The following LRCH3 variants were observed in gnomAD, a reference collection of about 807,000 sequenced individuals.
LRCH3 encodes the protein DISP complex protein LRCH3.
A neutral mutation model predicts 104.5 loss-of-function variants in LRCH3; 68 were observed. The ratio of observed to expected loss-of-function variants is 0.65; its 90% CI spans 0.54 to 0.80. The LOEUF is 0.80. Among genes scored for constraint, LRCH3 ranks in the 30% least tolerant of loss-of-function variants. The probability of loss-of-function intolerance (pLI) is 0.00; values close to 1 mark genes in which losing one functional copy is unlikely to be tolerated. For missense variants in LRCH3, 951 were observed against 953.9 expected (o/e 1.00, Z 0.04); for synonymous variants, 344 against 361.3 (o/e 0.95, Z 0.54).
At position 197,858,919 on chromosome 3, in the gene LRCH3, T is replaced by G. The variant is rs200450451; in HGVS notation, c.1716+14T>G. The G allele has an allele frequency of 6.2e-7, 1 of 1,608,742 alleles. No homozygotes were observed. The highest frequency in any genetic ancestry group is 1.1e-5 in the South Asian group (1 of 90,982). ...ACGCCTCTTAAGGTATCTCTTGTTA[T>G]TGTAATTCACCAGGAAGTTTGGGGA... On this transcript the variant is annotated intron_variant, in intron 15 of 20. Coordinates refer to ENST00000425562, the MANE Select transcript of LRCH3 (RefSeq NM_001365715.1).
rs568578329 is a variant in LRCH3 at position 197,874,319 on chromosome 3, T to G, written c.2131-1379T>G. On this transcript the variant is annotated intron_variant, in intron 19 of 20. Coordinates refer to ENST00000425562, the MANE Select transcript of LRCH3 (RefSeq NM_001365715.1). Reference sequence around the variant, plus strand: ...CTGTCAGATCAGCAACAGTATTAGATCCTCAGAGGAGCATGAACGCTGGTG... The same window carrying G: ...CTGTCAGATCAGCAACAGTATTAGAGCCTCAGAGGAGCATGAACGCTGGTG... Among the ~76,000 whole-genome samples, 115 of 152,170 alleles carry G rather than the reference T, an allele frequency of 7.6e-4. 1 individual carries two copies. In the Middle Eastern group the frequency reaches 0.017, roughly 23 times the overall value.
chr3:197,824,601 C>G (rs1734908269), intron 4 of LRCH3, among the ~76,000 whole-genome samples: 1 of 145,762 alleles, frequency 6.9e-6, no homozygotes, highest in African/African-American at 2.6e-5. Flanking sequence ...CAGTCTCACT[C>G]TGTCACCCAG....
rs897983914 is a variant in LRCH3 at position 197,847,911 on chromosome 3, C to T, written c.1420C>T (p.Gln474Ter). The T allele has an allele frequency of 1.2e-6, 2 of 1,613,998 alleles. No homozygotes were observed. Among genetic ancestry groups the T allele is most frequent in the Non-Finnish European group, 1.7e-6 (2 of 1,179,964 alleles). Reference sequence around the variant, plus strand: ...CCTGGAACTTCATCAGAGAAGGGAGCAGTTAGTAGAGCGCACTCGGAGAGA... The same window carrying T: ...CCTGGAACTTCATCAGAGAAGGGAGTAGTTAGTAGAGCGCACTCGGAGAGA... ...TDLELHQRRE[Q>*]LVERTRREAQ... Residue 474 changes from glutamine (Q) to a stop codon, truncating the protein, a stop_gained, in exon 12 of 21, where the codon CAG becomes TAG. Coordinates refer to ENST00000425562, the MANE Select transcript of LRCH3 (RefSeq NM_001365715.1). LOFTEE classifies it high-confidence loss of function.
chr3:197,881,311 A>G (rs1713747762), intron 20 of LRCH3: 2 of 988,524 alleles, frequency 2.0e-6, no homozygotes, highest in Non-Finnish European at 2.4e-6. Context: ...TATTGGCCAT[A>G]ATTTTAATAA....
At chr3:197,824,113 G>A (rs1734815583) in intron 4 of LRCH3, among the ~76,000 whole-genome samples, 1 of 151,114 alleles carries the variant, frequency 6.6e-6, no homozygotes, top group South Asian at 2.1e-4. Context: ...CGCCCAGGCT[G>A]GAGTGCAGTG....
intron 20 of LRCH3, among the ~76,000 whole-genome samples, chr3:197,878,617 C>T (rs1467355639): frequency 6.6e-6 from 1 of 152,184 alleles, no homozygotes; most frequent in African/African-American, 2.4e-5. Flanking sequence ...ACGTCCCCAC[C>T]ACAACCACTG....
At chr3:197,880,065 C>G (rs9757204) in intron 20 of LRCH3, among the ~76,000 whole-genome samples, 10,024 of 149,060 alleles carry the variant, frequency 0.067, 1,215 homozygotes, top group African/African-American at 0.24. Context: ...CCTGCCTCAG[C>G]CTCCCGAGTA....
chr3:197,799,324 G>A (rs995965325), intron 1 of LRCH3, among the ~76,000 whole-genome samples: 4 of 152,190 alleles, frequency 2.6e-5, no homozygotes, highest in Non-Finnish European at 4.4e-5. Flanking sequence ...TATGGTCAAT[G>A]TGGTAATTCA....
chr3:197,798,762 C>T (rs926931786), intron 1 of LRCH3, among the ~76,000 whole-genome samples: 3 of 152,170 alleles, frequency 2.0e-5, no homozygotes. Flanking sequence ...GTAACAGTCA[C>T]AGTATATGCA....
At chr3:197,795,022 A>G (rs1020090734) in intron 1 of LRCH3, among the ~76,000 whole-genome samples, 6 of 152,184 alleles carry the variant, frequency 3.9e-5, no homozygotes, top group Non-Finnish European at 7.3e-5. Context: ...AAGAAAAAAA[A>G]ATATTAATCT....
Position 197,866,215 on chromosome 3 carries a change from C to T in LRCH3, c.1869C>T (p.Asn623=). 1 of 1,612,366 alleles carries T rather than the reference C, an allele frequency of 6.2e-7. No individual in the cohort carries two copies. Among genetic ancestry groups the T allele is most frequent in the Non-Finnish European group, 8.5e-7 (1 of 1,178,394 alleles). The change falls in exon 17 of 21, where the codon AAC becomes AAT. Residue 623 remains asparagine, a synonymous_variant. Transcript: ENST00000425562. ...LFRAGVRAET[N]KGHASPLPPS... ...GAGCAGGTGTCAGGGCAGAAACCAA[C>T]AAAGGTAGGTGGTGGTGATTTTAAA...
chr3:197,829,989 A>G (rs192911244), intron 6 of LRCH3, among the ~76,000 whole-genome samples: 1 of 152,324 alleles, frequency 6.6e-6, no homozygotes, highest in East Asian at 1.9e-4. Context: ...ACCCTCGCAA[A>G]GTCTCCAAAT....
chr3:197,835,276 C>G (rs1156928724), intron 8 of LRCH3, among the ~76,000 whole-genome samples: 1 of 151,898 alleles, frequency 6.6e-6, no homozygotes, highest in South Asian at 2.1e-4. Flanking sequence ...TTCTGTCTCC[C>G]GGGTTCAAGC....
intron 19 of LRCH3, among the ~76,000 whole-genome samples, chr3:197,875,302 C>G (rs1360174134): frequency 3.3e-5 from 5 of 152,162 alleles, no homozygotes; most frequent in Non-Finnish European, 7.4e-5. Context: ...CGCTGACCCC[C>G]TAGTCTACAG....
chr3:197,839,465 T>C (rs1737465793), intron 10 of LRCH3, 68 bp downstream of exon 10: 3 of 960,740 alleles, frequency 3.1e-6, no homozygotes, highest in South Asian at 3.1e-5. Flanking sequence ...AATTTTGGTT[T>C]TATGCAGATC....
intron 1 of LRCH3, among the ~76,000 whole-genome samples, chr3:197,804,379 A>G (rs1732240066): frequency 6.6e-6 from 1 of 152,174 alleles, no homozygotes; most frequent in African/African-American, 2.4e-5. Context: ...GTACATGGTT[A>G]GAGTTTGATG....
At position 197,888,124 on chromosome 3, in the gene LRCH3, T is replaced by C. The variant is rs1714380696; in HGVS notation, c.*4458T>C. 1 of 152,236 alleles carries C rather than the reference T, an allele frequency of 6.6e-6. No individual in the cohort carries two copies. The highest frequency in any genetic ancestry group is 2.4e-5 in the African/African-American group (1 of 41,448). The allele number at this position is 152,236 out of a possible 1,614,324, so 9.4% of individuals were successfully genotyped here. The stretch of plus-strand genomic sequence containing the variant: ...ATGATGTGTGACTATGCGAATGAGT[T>C]TGATGAATTCGTAAAAACTAAGCGC... On this transcript the variant is annotated 3_prime_UTR_variant, in exon 21 of 21. Transcript: ENST00000425562.
chr3:197,878,491 T>C (rs980315916), intron 20 of LRCH3, among the ~76,000 whole-genome samples: 3 of 152,188 alleles, frequency 2.0e-5, no homozygotes, highest in Admixed American at 2.0e-4. Context: ...CTGGGTCTTT[T>C]TCCAGAGTGG....
intron 17 of LRCH3, among the ~76,000 whole-genome samples, chr3:197,867,676 A>G (rs1156478771): frequency 6.0e-5 from 9 of 149,444 alleles, no homozygotes; most frequent in African/African-American, 2.2e-4. Context: ...ACACGGTGAA[A>G]CCCCATCTCT....
Sources: allele counts gnomAD v4.1 joint callset (sites outside exome capture counted in the v4.1 genomes callset), GRCh38; gene constraint gnomAD v4.1.1; transcripts MANE v1.5; gene names NCBI Gene and HGNC (gene_info 2026-07-23, HGNC 2026-07-21).